Variants in SBF1 observed in about 807,000 individuals in gnomAD.
SBF1 encodes the protein myotubularin-related protein 5.
In SBF1, 65 loss-of-function variants were observed where a neutral mutation model predicts 215.8. The ratio of observed to expected loss-of-function variants is 0.30; its 90% CI spans 0.25 to 0.37. SBF1 has a LOEUF of 0.37. Ranked by LOEUF, SBF1 falls within the 10% of genes least tolerant of loss-of-function variation. SBF1 has a pLI of 1.00. For synonymous variants in SBF1, 1,410 were observed against 1,122.8 expected (o/e 1.26, Z -5.11); for missense variants, 2,634 against 2,667.8 (o/e 0.99, Z 0.28).
intron 36 of SBF1, among the ~76,000 whole-genome samples, chr22:50,451,962 C>A (rs1199036832): frequency 1.3e-5 from 2 of 151,712 alleles, no homozygotes; most frequent in African/African-American, 4.8e-5. Flanking sequence ...ATGCTCAGCT[C>A]ATTTTTATAT....
chr22:50,473,258 A>C (rs2148618309), intron 1 of SBF1, among the ~76,000 whole-genome samples: 1 of 151,900 alleles, frequency 6.6e-6, no homozygotes, highest in South Asian at 2.1e-4. Flanking sequence ...CCCCCGCCCC[A>C]GCCCTCAGCC....
At chr22:50,447,481 C>T (rs765826961) in intron 39 of SBF1, 28 bp from the exon 40 acceptor site, 1 of 1,609,774 alleles carries the variant, frequency 6.2e-7, no homozygotes, top group Non-Finnish European at 8.5e-7. Context: ...GTCAGCGGAG[C>T]CCCCTCCCCC....
intron 1 of SBF1, among the ~76,000 whole-genome samples, chr22:50,470,103 C>T (rs1220551025): frequency 1.3e-5 from 2 of 151,884 alleles, no homozygotes; most frequent in African/African-American, 4.8e-5. Context: ...CTCACTCAGG[C>T]GCAGGCCCTG....
chr22:50,461,621 C>G lies in SBF1; in HGVS notation c.2741G>C (p.Gly914Ala). ...CAATGCTGGTCCCCCAGCACTGCCCCCCGCGCCCTCCTCACGCCCATCCGG... is the reference window on the plus strand; with the variant it reads ...CAATGCTGGTCCCCCAGCACTGCCCGCCGCGCCCTCCTCACGCCCATCCGG... ...LLPDGREEGA[G>A]GSAGGPALLP... Residue 914 changes from glycine (G) to alanine (A), a missense_variant, in exon 22 of 41, where the codon GGG (glycine) becomes GCG (alanine). Coordinates refer to ENST00000380817, the MANE Select transcript of SBF1 (RefSeq NM_002972.4). The G allele has an allele frequency of 1.4e-5, 22 of 1,611,522 alleles. No individual in the cohort carries two copies. The highest frequency in any genetic ancestry group is 1.8e-5 in the Non-Finnish European group (21 of 1,179,746).
rs1298505534 is a variant in SBF1 at position 50,447,046 on chromosome 22, C to T, written c.*96G>A. 2.7e-5 allele frequency: 30 copies of T among 1,124,152 alleles called. No homozygotes were observed. The highest frequency in any genetic ancestry group is 1.8e-4 in the South Asian group (13 of 71,506). 69.6% of individuals were successfully genotyped at this position (1,124,152 alleles called of 1,614,324 possible). On this transcript the variant is annotated 3_prime_UTR_variant, in exon 41 of 41. Coordinates refer to ENST00000380817, the MANE Select transcript of SBF1 (RefSeq NM_002972.4). ...TGGGGGCTCGGGGCCTCAATACTGT[C>T]GAGGGCCGGGGCTGTAAACATGGCC... is the stretch of plus-strand genomic sequence containing the variant.
At chr22:50,464,479 C>T (rs368761976) in intron 14 of SBF1, 38 bp from the exon 15 acceptor site, 1 of 1,604,294 alleles carries the variant, frequency 6.2e-7, no homozygotes, top group Non-Finnish European at 8.5e-7. Flanking sequence ...ACCCCTGACC[C>T]CACGCCCATC....
intron 1 of SBF1, among the ~76,000 whole-genome samples, chr22:50,474,576 G>A (rs1419680752): frequency 9.7e-5 from 10 of 103,624 alleles, no homozygotes; most frequent in Non-Finnish European, 1.5e-4. Context: ...CCCCGGCCCC[G>A]GCCCTCAGTC....
chr22:50,460,682 C>A lies in SBF1; in HGVS notation c.2998G>T (p.Gly1000Trp). 6.2e-7 allele frequency: 1 copy of A among 1,613,714 alleles called. No homozygotes were observed. The highest frequency in any genetic ancestry group is 2.2e-5 in the East Asian group (1 of 44,874). ...LLKMAFDEEV[G>W]SDSAELFRKQ... The stretch of plus-strand genomic sequence containing the variant: ...CGGAAGAGCTCGGCGCTGTCAGACC[C>A]CACCTCCTCGTCAAAGGCCATTTTC... Residue 1000 changes from glycine (G) to tryptophan (W), a missense_variant, in exon 24 of 41, where the codon GGG becomes TGG. Coordinates refer to ENST00000380817, the MANE Select transcript of SBF1 (RefSeq NM_002972.4).
intron 36 of SBF1, among the ~76,000 whole-genome samples, chr22:50,451,204 C>T (rs1163319238): frequency 6.7e-6 from 1 of 148,180 alleles, no homozygotes; most frequent in Non-Finnish European, 1.5e-5. Context: ...GTAGCCGGCA[C>T]GTGGCCCACG....
In SBF1 at chr22:50,462,631, C is replaced by A. The variant is rs769822041; in HGVS notation, c.2055G>T (p.Met685Ile). 1 of 1,612,852 alleles carries A rather than the reference C, an allele frequency of 6.2e-7. No individual in the cohort carries two copies. Among genetic ancestry groups the A allele is most frequent in the Non-Finnish European group, 8.5e-7 (1 of 1,179,802 alleles). The change falls in exon 18 of 41, where the codon ATG (methionine) becomes ATT (isoleucine). Residue 685 changes from methionine to isoleucine, a missense_variant. By Grantham distance (10) the Met-to-Ile change is conservative (BLOSUM62 1). Transcript: ENST00000380817. ...TGTGAGTCTGCACATCCCCATAGAACATGGCCTCCCAGAACTGTGGCGTGC... is the reference window on the plus strand; with the variant it reads ...TGTGAGTCTGCACATCCCCATAGAAAATGGCCTCCCAGAACTGTGGCGTGC... The part of the protein sequence containing the change: ...VWSTPQFWEA[M>I]FYGDVQTHIR...
chr22:50,474,408 C>T (rs1337412862), intron 1 of SBF1, among the ~76,000 whole-genome samples: 1 of 152,212 alleles, frequency 6.6e-6, no homozygotes, highest in Non-Finnish European at 1.5e-5. Flanking sequence ...CGCAGCTGGC[C>T]AAGGAGAGAG....
At chr22:50,460,810 C>T in intron 23 of SBF1, 98 bp from the exon 24 acceptor site, 1 of 1,341,494 alleles carries the variant, frequency 7.5e-7, no homozygotes, top group Non-Finnish European at 1.0e-6. Context: ...GCAGCCATGA[C>T]AGAGAGAGAA....
chr22:50,447,413 C>T lies in SBF1; in HGVS notation c.5492G>A (p.Gly1831Asp), dbSNP rs1434855048. The T allele has an allele frequency of 1.9e-6, 3 of 1,613,946 alleles. No individual in the cohort carries two copies. Among genetic ancestry groups the T allele is most frequent in the Non-Finnish European group, 1.7e-6 (2 of 1,179,988 alleles). Residue 1831 changes from glycine to aspartate, a missense_variant, in exon 40 of 41, where the codon GGT (glycine) becomes GAT (aspartate). Transcript: ENST00000380817. ...YDHRVDTECK[G>D]VIDLAEVEAV... Reference sequence around the variant, plus strand: ...CTCCACCTCCGCCAAGTCGATGACACCCTTGCACTCTGTGTCCACACGGTG... The same window carrying T: ...CTCCACCTCCGCCAAGTCGATGACATCCTTGCACTCTGTGTCCACACGGTG...
intron 2 of SBF1, 24 bp downstream of exon 2, chr22:50,468,352 C>G: frequency 1.9e-6 from 3 of 1,607,636 alleles, no homozygotes; most frequent in Non-Finnish European, 2.6e-6. Flanking sequence ...CTGCCAGCAC[C>G]GTCTCAGCAC....
chr22:50,469,752 G>A (rs370811489), intron 1 of SBF1, among the ~76,000 whole-genome samples: 17 of 142,364 alleles, frequency 1.2e-4, no homozygotes, highest in African/African-American at 5.2e-5. Flanking sequence ...CCCCCACCCC[G>A]GCCCCCAAGA....
chr22:50,457,834 G>C (rs1412831391), intron 28 of SBF1, among the ~76,000 whole-genome samples: 2 of 152,250 alleles, frequency 1.3e-5, no homozygotes, highest in Non-Finnish European at 2.9e-5. Context: ...GTGGGACTGA[G>C]AGAGGCAATG....
rs2067652832 is a variant in SBF1, at chr22:50,464,315, T to C, written c.1749+14A>G. On this transcript the variant is annotated intron_variant, in intron 15 of 40. Coordinates refer to ENST00000380817, the MANE Select transcript of SBF1 (RefSeq NM_002972.4). ...CCGCTGCCCTGGCCCGGCTGGAGCCTGCACAGCCCTCACCTTCTTGGCCTC... is the reference window on the plus strand; with the variant it reads ...CCGCTGCCCTGGCCCGGCTGGAGCCCGCACAGCCCTCACCTTCTTGGCCTC... The C allele has an allele frequency of 1.2e-6, 2 of 1,604,722 alleles. No individual in the cohort carries two copies. The highest frequency in any genetic ancestry group is 8.5e-7 in the Non-Finnish European group (1 of 1,172,774).
intron 10 of SBF1, 58 bp downstream of exon 10, chr22:50,465,705 T>C (rs62241892): frequency 0.027 from 39,940 of 1,486,752 alleles, 633 homozygotes; most frequent in Non-Finnish European, 0.032. Flanking sequence ...GCAGCAGACC[T>C]GAGTGGGGGC....
Position 50,454,677 on chromosome 22 carries a change from C to T in SBF1, c.4878G>A (p.Leu1626=). Residue 1626 remains leucine, a synonymous_variant, in exon 36 of 41, where the codon CTG becomes CTA. Coordinates refer to ENST00000380817, the MANE Select transcript of SBF1 (RefSeq NM_002972.4). ...KVWDFYTEET[L]AEGPPYDWEL... ...CCCAGTCATAGGGAGGGCCCTCGGC[C>T]AGCGTCTCCTCAGTGTAGAAGTCCC... 1 of 1,575,248 alleles carries T rather than the reference C, an allele frequency of 6.3e-7. No homozygotes were observed. Among genetic ancestry groups the T allele is most frequent in the East Asian group, 2.2e-5 (1 of 44,554 alleles).
Sources: gnomAD v4.1 joint callset for allele counts (sites outside exome capture counted in the v4.1 genomes callset) on GRCh38, gnomAD v4.1.1 for gene constraint, MANE v1.5 for transcripts, NCBI Gene and HGNC (gene_info 2026-07-23, HGNC 2026-07-21) for gene names.